The following SPRED2 variants were observed in gnomAD, a reference collection of about 807,000 sequenced individuals.
The protein encoded by SPRED2 is sprouty related EVH1 domain containing 2.
A neutral mutation model predicts 43.0 loss-of-function variants in SPRED2; 47 were observed. The ratio of observed to expected loss-of-function variants is 1.09; its 90% CI spans 0.87 to 1.40. The LOEUF (loss-of-function observed/expected upper bound fraction) is 1.40. SPRED2 is among the 40% of genes most tolerant of loss of function. SPRED2 has a pLI of 0.00. For missense variants in SPRED2, 561 were observed against 586.4 expected (o/e 0.96, Z 0.45); for synonymous variants, 225 against 225.7 (o/e 1.00, Z 0.03).
intron 1 of SPRED2, among the ~76,000 whole-genome samples, chr2:65,374,690 C>T (rs1372207349): frequency 6.6e-6 from 1 of 152,230 alleles, no homozygotes; most frequent in Non-Finnish European, 1.5e-5. Flanking sequence ...GGCTCTGCCA[C>T]AAACATTTCA....
chr2:65,354,122 T>G (rs566248548), intron 1 of SPRED2, among the ~76,000 whole-genome samples: 1 of 152,290 alleles, frequency 6.6e-6, no homozygotes, highest in African/African-American at 2.4e-5. Context: ...GAGGAAGTAG[T>G]TGGGAAAATA....
At chr2:65,418,753 C>T (rs1242174601) in intron 1 of SPRED2, among the ~76,000 whole-genome samples, 2 of 151,980 alleles carry the variant, frequency 1.3e-5, no homozygotes, top group Non-Finnish European at 2.9e-5. Flanking sequence ...TGGGATTTCA[C>T]CATATTGGCC....
At position 65,431,831 on chromosome 2, in the gene SPRED2, C is replaced by T. The variant is rs1297657247; in HGVS notation, c.26+131G>A. 65 of 1,132,410 alleles carry T rather than the reference C, an allele frequency of 5.7e-5. 1 individual carries two copies. The East Asian group carries it at 1.6e-3, about 27-fold the overall frequency. 70.1% of individuals were successfully genotyped at this position (1,132,410 alleles called of 1,614,324 possible). ...CAAGCAGGGAAGCCTCGCGTCCCAA[C>T]GCCGAAAGGTCAGCGAGTCGCTGCA... On this transcript the variant is annotated intron_variant, in intron 1 of 5. Coordinates refer to ENST00000356388, the MANE Select transcript of SPRED2 (RefSeq NM_181784.3).
chr2:65,430,125 C>T (rs1255076104), intron 1 of SPRED2, among the ~76,000 whole-genome samples: 1 of 152,156 alleles, frequency 6.6e-6, no homozygotes, highest in Non-Finnish European at 1.5e-5. Flanking sequence ...CAATCGAGGG[C>T]CCATAAAAAT....
At chr2:65,368,942 G>A (rs551433507) in intron 1 of SPRED2, among the ~76,000 whole-genome samples, 1 of 152,138 alleles carries the variant, frequency 6.6e-6, no homozygotes, top group Admixed American at 6.5e-5. Context: ...GGGCATGGTG[G>A]TGCATGCCTG....
chr2:65,360,119 G>C (rs960392637), intron 1 of SPRED2, among the ~76,000 whole-genome samples: 42 of 100,890 alleles, frequency 4.2e-4, no homozygotes, highest in Non-Finnish European at 7.2e-4. Flanking sequence ...AAAAAACAAA[G>C]ACCAAAAGAC....
intron 1 of SPRED2, among the ~76,000 whole-genome samples, chr2:65,421,297 CCT>C (rs1676417254): frequency 6.6e-6 from 1 of 152,196 alleles, no homozygotes; most frequent in African/African-American, 2.4e-5. Flanking sequence ...ATCAAATGAG[CCT>C]CTTCAGCAAA....
At chr2:65,346,016 G>A (rs140158635) in intron 1 of SPRED2, among the ~76,000 whole-genome samples, 5 of 152,140 alleles carry the variant, frequency 3.3e-5, no homozygotes, top group Admixed American at 2.6e-4. Flanking sequence ...TATGCCAGGC[G>A]TTATAACAGA....
intron 1 of SPRED2, among the ~76,000 whole-genome samples, chr2:65,409,114 G>A (rs1676094744): frequency 2.6e-5 from 4 of 152,150 alleles, no homozygotes; most frequent in Admixed American, 2.6e-4. Context: ...CTATATTCAA[G>A]GACACTGAAG....
In SPRED2 at chr2:65,312,657, C is replaced by A. The variant is rs1178938315; in HGVS notation, c.*844G>T. On this transcript the variant is annotated 3_prime_UTR_variant, in exon 6 of 6. Coordinates refer to ENST00000356388, the MANE Select transcript of SPRED2 (RefSeq NM_181784.3). Reference sequence around the variant, plus strand: ...GCAACACAATTTAAAAAATGTTCTACTTTAGGGGTAATGGGGAGGCTCATA... The same window carrying A: ...GCAACACAATTTAAAAAATGTTCTAATTTAGGGGTAATGGGGAGGCTCATA... The A allele has an allele frequency of 5.0e-5, 49 of 985,746 alleles. No homozygotes were observed. The highest frequency in any genetic ancestry group is 5.5e-5 in the Non-Finnish European group (46 of 829,932). The allele number at this position is 985,746 out of a possible 1,614,324, so 61.1% of individuals were successfully genotyped here. A position where few individuals can be genotyped will look rare whatever the true frequency, so the allele number is the denominator to read the frequency against.
intron 4 of SPRED2, among the ~76,000 whole-genome samples, chr2:65,328,138 C>T (rs377569528): frequency 6.6e-6 from 1 of 152,108 alleles, no homozygotes; most frequent in Non-Finnish European, 1.5e-5. Context: ...TGCCCCAATC[C>T]CTTAATGCTA....
At chr2:65,396,647 A>G (rs1351594532) in intron 1 of SPRED2, among the ~76,000 whole-genome samples, 1 of 152,228 alleles carries the variant, frequency 6.6e-6, no homozygotes, top group Non-Finnish European at 1.5e-5. Flanking sequence ...CCTGGGACAT[A>G]CTAGAGAAGT....
At chr2:65,356,126 CT>C (rs569963373) in intron 1 of SPRED2, among the ~76,000 whole-genome samples, 55 of 152,256 alleles carry the variant, frequency 3.6e-4, no homozygotes, top group African/African-American at 1.3e-3. Flanking sequence ...AATATTTTTG[CT>C]TTCTTTCACA....
At chr2:65,431,474 G>T (rs755801279) in intron 1 of SPRED2, among the ~76,000 whole-genome samples, 10 of 152,176 alleles carry the variant, frequency 6.6e-5, no homozygotes, top group Non-Finnish European at 1.0e-4. Context: ...TGAAAATGTG[G>T]TATGCAAATG....
intron 1 of SPRED2, among the ~76,000 whole-genome samples, chr2:65,356,358 C>T (rs2104299953): frequency 6.6e-6 from 1 of 152,188 alleles, no homozygotes; most frequent in Non-Finnish European, 1.5e-5. Flanking sequence ...GCATACACTT[C>T]TTTCAACTTT....
At chr2:65,347,742 A>G (rs1454052951) in intron 1 of SPRED2, among the ~76,000 whole-genome samples, 1 of 152,168 alleles carries the variant, frequency 6.6e-6, no homozygotes, top group Non-Finnish European at 1.5e-5. Flanking sequence ...CCAAGGGCCT[A>G]TGTGAGGTCT....
intron 5 of SPRED2, 52 bp from the exon 6 acceptor site, chr2:65,314,221 C>A (rs1202324424): frequency 3.3e-6 from 5 of 1,508,946 alleles, no homozygotes; most frequent in Admixed American, 4.4e-5. Flanking sequence ...AAAAAACAAA[C>A]AAACAAAAAA....
chr2:65,418,028 A>C (rs1676328313), intron 1 of SPRED2, among the ~76,000 whole-genome samples: 1 of 152,208 alleles, frequency 6.6e-6, no homozygotes, highest in Non-Finnish European at 1.5e-5. Flanking sequence ...CCCAACAACT[A>C]TCTCTTCACA....
chr2:65,376,860 G>A (rs1259165213), intron 1 of SPRED2, among the ~76,000 whole-genome samples: 3 of 151,986 alleles, frequency 2.0e-5, no homozygotes, highest in Admixed American at 1.3e-4. Context: ...GACTACAGAC[G>A]CCCGCCACCA....
Sources: gnomAD v4.1 joint callset for allele counts (sites outside exome capture counted in the v4.1 genomes callset) on GRCh38, gnomAD v4.1.1 for gene constraint, MANE v1.5 for transcripts, NCBI Gene and HGNC (gene_info 2026-07-23, HGNC 2026-07-21) for gene names.